The following SLC37A2 variants were observed in gnomAD, a reference collection of about 807,000 sequenced individuals.
SLC37A2 encodes the protein glucose-6-phosphate exchanger SLC37A2.
Under a neutral mutation model 70.7 loss-of-function variants are expected in SLC37A2, and 59 were observed. The ratio of observed to expected loss-of-function variants is 0.83; its 90% CI spans 0.68 to 1.04. The LOEUF (loss-of-function observed/expected upper bound fraction) is 1.04. Among genes scored for constraint, SLC37A2 ranks in the 50% least tolerant of loss-of-function variants. SLC37A2 has a pLI of 0.00. For missense variants in SLC37A2, 580 were observed against 658.1 expected (o/e 0.88, Z 1.30); for synonymous variants, 257 against 262.1 (o/e 0.98, Z 0.19).
chr11:125,079,031 C>T (rs1300815902), intron 4 of SLC37A2, 81 bp from the exon 5 acceptor site: 4 of 1,581,924 alleles, frequency 2.5e-6, no homozygotes, highest in East Asian at 2.2e-5. Context: ...CACTTCCTAG[C>T]GTGGTGGGGG....
chr11:125,085,023 G>A, intron 13 of SLC37A2, 43 bp from the exon 14 acceptor site: 1 of 1,606,478 alleles, frequency 6.2e-7, no homozygotes, highest in Non-Finnish European at 8.5e-7. Context: ...TGGGGCTGCG[G>A]GTGGTGCTGC....
chr11:125,085,091 G>A lies in SLC37A2; in HGVS notation c.1200G>A (p.Leu400=), dbSNP rs1949191798. 1.2e-6 allele frequency: 2 copies of A among 1,614,106 alleles called. No individual in the cohort carries two copies. Among genetic ancestry groups the A allele is most frequent in the Non-Finnish European group, 1.7e-6 (2 of 1,179,990 alleles). The change falls in exon 14 of 18, where the codon CTG becomes CTA. Residue 400 remains leucine, a synonymous_variant. Transcript: ENST00000403796. ...TGATGCTGATCATCTGTGGGGGCCT[G>A]GTCAATGGCCCATACGCGCTCATCA... ...SIVMLIICGG[L]VNGPYALITT... is the part of the protein sequence containing the mutation.
chr11:125,081,358 A>C, intron 7 of SLC37A2, 63 bp from the exon 8 acceptor site: 1 of 1,514,346 alleles, frequency 6.6e-7, no homozygotes, highest in Non-Finnish European at 9.0e-7. Flanking sequence ...GGGCCTGGCA[A>C]TCACCTCGGG....
chr11:125,085,785 A>G (rs2135577538), intron 16 of SLC37A2, 111 bp downstream of exon 16: 1 of 1,319,900 alleles, frequency 7.6e-7, no homozygotes, highest in Non-Finnish European at 1.1e-6. Flanking sequence ...CAATGAGAGC[A>G]GCTGCCCTTT....
chr11:125,075,955 G>A (rs1949082091), intron 1 of SLC37A2, among the ~76,000 whole-genome samples: 1 of 152,138 alleles, frequency 6.6e-6, no homozygotes, highest in Admixed American at 6.5e-5. Context: ...TTCCATGCAT[G>A]TCCTGGCTCC....
At chr11:125,068,979 C>T (rs908757118) in intron 1 of SLC37A2, among the ~76,000 whole-genome samples, 1 of 152,180 alleles carries the variant, frequency 6.6e-6, no homozygotes, top group African/African-American at 2.4e-5. Flanking sequence ...TTGGACTCCT[C>T]CTCTGTAAAA....
intron 1 of SLC37A2, among the ~76,000 whole-genome samples, chr11:125,076,497 G>A (rs916983166): frequency 6.6e-6 from 1 of 152,184 alleles, no homozygotes; most frequent in Non-Finnish European, 1.5e-5. Context: ...CAGAGCAGGC[G>A]GAGGTGCTTC....
chr11:125,084,842 C>T lies in SLC37A2; in HGVS notation c.1143C>T (p.Tyr381=). ...TCTCTCAGATGTTCCTGTACAACTACATTGGCCAGGACGGGATTGCCAGCT... is the reference window on the plus strand; with the variant it reads ...TCTCTCAGATGTTCCTGTACAACTATATTGGCCAGGACGGGATTGCCAGCT... ...LAAPMMFLYN[Y]IGQDGIASSI... Residue 381 remains tyrosine, a synonymous_variant, in exon 13 of 18, where the codon TAC becomes TAT. Transcript: ENST00000403796. 2.5e-6 allele frequency: 4 copies of T among 1,613,880 alleles called. No homozygotes were observed. The highest frequency in any genetic ancestry group is 3.4e-6 in the Non-Finnish European group (4 of 1,179,908).
At chr11:125,084,917 C>G in intron 13 of SLC37A2, 44 bp downstream of exon 13, 2 of 1,611,140 alleles carry the variant, frequency 1.2e-6, no homozygotes, top group South Asian at 2.2e-5. Flanking sequence ...GGGAAAGGCA[C>G]TGCCTTGGGG....
In SLC37A2 at chr11:125,089,693, G is replaced by A. The variant is rs914132127; in HGVS notation, c.*1559G>A. On this transcript the variant is annotated 3_prime_UTR_variant, in exon 18 of 18. Transcript: ENST00000403796. ...CCCCCAGCAGTGCCGGCCCACCTGCGCTGTGCTTGATTTCTCGCTGGGCCT... is the reference window on the plus strand; with the variant it reads ...CCCCCAGCAGTGCCGGCCCACCTGCACTGTGCTTGATTTCTCGCTGGGCCT... 2 of 153,300 alleles carry A rather than the reference G, an allele frequency of 1.3e-5. No individual in the cohort carries two copies. Among genetic ancestry groups the A allele is most frequent in the East Asian group, 1.9e-4 (1 of 5,230 alleles). 9.5% of individuals were successfully genotyped at this position (153,300 alleles called of 1,614,324 possible). A position where few individuals can be genotyped will look rare whatever the true frequency, so the allele number is the denominator to read the frequency against.
chr11:125,075,772 C>A (rs775404091), intron 1 of SLC37A2, among the ~76,000 whole-genome samples: 4 of 152,112 alleles, frequency 2.6e-5, no homozygotes, highest in Admixed American at 2.6e-4. Context: ...ATTCCTAGGC[C>A]GAGGGAGCAT....
chr11:125,069,660 T>C (rs1384746936), intron 1 of SLC37A2, among the ~76,000 whole-genome samples: 2 of 152,194 alleles, frequency 1.3e-5, no homozygotes, highest in African/African-American at 2.4e-5. Flanking sequence ...AGTGGAGACA[T>C]GGCCTGTCCC....
intron 4 of SLC37A2, among the ~76,000 whole-genome samples, chr11:125,077,882 A>G (rs542064327): frequency 4.6e-5 from 7 of 152,344 alleles, no homozygotes; most frequent in Middle Eastern, 3.4e-3. Context: ...CACGGGAAGC[A>G]TGCTGTTCCT....
chr11:125,075,006 T>C (rs1179851511), intron 1 of SLC37A2, among the ~76,000 whole-genome samples: 1 of 152,142 alleles, frequency 6.6e-6, no homozygotes, highest in Non-Finnish European at 1.5e-5. Context: ...TGCTGTGTTC[T>C]CTTATCTTGT....
intron 1 of SLC37A2, among the ~76,000 whole-genome samples, chr11:125,067,406 G>T (rs1948992963): frequency 6.6e-6 from 1 of 152,014 alleles, no homozygotes; most frequent in Non-Finnish European, 1.5e-5. Context: ...GTACAGAGAG[G>T]GCATTGAGAA....
chr11:125,081,804 C>T lies in SLC37A2; in HGVS notation c.783C>T (p.Pro261=), dbSNP rs1565398884. Residue 261 remains proline (P), a synonymous_variant, in exon 9 of 18, where the codon CCC becomes CCT. Transcript: ENST00000403796. ...ACCCTGAGGACCCTGGGAACAGTCC[C>T]TGCTCTATCAGGGAGAGCGGCCTTG... The part of the protein sequence containing the change: ...QDNPEDPGNS[P]CSIRESGLET... 1 of 1,613,872 alleles carries T rather than the reference C, an allele frequency of 6.2e-7. No homozygotes were observed. The highest frequency in any genetic ancestry group is 1.1e-5 in the South Asian group (1 of 91,066).
chr11:125,085,731 G>A, intron 16 of SLC37A2, 57 bp downstream of exon 16: 1 of 1,573,990 alleles, frequency 6.4e-7, no homozygotes, highest in Non-Finnish European at 8.7e-7. Flanking sequence ...CTGCCAGACT[G>A]GAACCCTGGA....
intron 4 of SLC37A2, among the ~76,000 whole-genome samples, chr11:125,078,749 G>A (rs934992964): frequency 6.6e-5 from 10 of 152,102 alleles, no homozygotes; most frequent in Non-Finnish European, 1.0e-4. Flanking sequence ...ACCTGTCTGT[G>A]ACTGTGAAGC....
chr11:125,072,809 C>T (rs1949043117), intron 1 of SLC37A2, among the ~76,000 whole-genome samples: 1 of 152,226 alleles, frequency 6.6e-6, no homozygotes, highest in Non-Finnish European at 1.5e-5. Context: ...GAACACCTGA[C>T]AATGGGGAAT....
Sources: allele counts gnomAD v4.1 joint callset (sites outside exome capture counted in the v4.1 genomes callset), GRCh38; gene constraint gnomAD v4.1.1; transcripts MANE v1.5; gene names NCBI Gene and HGNC (gene_info 2026-07-23, HGNC 2026-07-21).